Variants in MICAL3 observed in about 807,000 individuals in gnomAD.
The protein encoded by MICAL3 is [F-actin]-monooxygenase MICAL3.
A neutral mutation model predicts 207.4 loss-of-function variants in MICAL3; 62 were observed. The observed-to-expected ratio is 0.30, with a 90% CI of 0.24 to 0.37. The LOEUF is 0.37. MICAL3 is among the 10% of genes least tolerant of loss of function. The pLI, the probability that MICAL3 is intolerant of heterozygous loss-of-function variation, is 1.00. For missense variants in MICAL3, 2,368 were observed against 2,635.6 expected, an observed-to-expected ratio of 0.90 and a Z score of 2.22; for synonymous variants, 1,077 against 1,069.3, an observed-to-expected ratio of 1.01 and a Z score of -0.14.
chr22:17,886,148 C>G, intron 15 of MICAL3, 97 bp from the exon 16 acceptor site: 1 of 1,309,106 alleles, frequency 7.6e-7, no homozygotes, highest in Non-Finnish European at 1.1e-6. Flanking sequence ...GGCATGGGGG[C>G]TGGTGGACTG....
intron 24 of MICAL3, 60 bp from the exon 25 acceptor site, chr22:17,821,569 C>T (rs1921642364): frequency 2.9e-6 from 4 of 1,369,542 alleles, no homozygotes; most frequent in Non-Finnish European, 3.0e-6. Context: ...CAGGAAGGCA[C>T]CCCTATCAGC....
At chr22:17,998,565 T>TA (rs1294167000) in intron 1 of MICAL3, among the ~76,000 whole-genome samples, 92 of 146,258 alleles carry the variant, frequency 6.3e-4, no homozygotes, top group African/African-American at 2.4e-3. Context: ...TTATTATTAT[T>TA]TTTTTTTTGA....
At chr22:17,975,430 T>C (rs1935589644) in intron 1 of MICAL3, among the ~76,000 whole-genome samples, 2 of 152,152 alleles carry the variant, frequency 1.3e-5, no homozygotes, top group Admixed American at 1.3e-4. Flanking sequence ...CTTTCTGGTA[T>C]TTCTGAGAAC....
chr22:17,927,329 C>G (rs138439865), intron 1 of MICAL3, among the ~76,000 whole-genome samples: 112 of 152,282 alleles, frequency 7.4e-4, no homozygotes, highest in African/African-American at 2.6e-3. Flanking sequence ...TCCATTCACC[C>G]ATCAATGGAC....
chr22:17,977,463 C>T (rs903919282), intron 1 of MICAL3, among the ~76,000 whole-genome samples: 13 of 151,748 alleles, frequency 8.6e-5, no homozygotes, highest in Admixed American at 3.3e-4. Context: ...TGCTCAACAT[C>T]GGCAACCATT....
intron 19 of MICAL3, chr22:17,861,363 T>A (rs1450018102): frequency 4.1e-6 from 4 of 985,352 alleles, no homozygotes; most frequent in Non-Finnish European, 4.8e-6. Flanking sequence ...CTTCAGATCA[T>A]CTTTTCCATA....
chr22:17,817,059 G>C (rs1017839978), intron 26 of MICAL3, among the ~76,000 whole-genome samples: 41 of 152,286 alleles, frequency 2.7e-4, no homozygotes, highest in African/African-American at 9.1e-4. Context: ...GCCCCTCTGG[G>C]GTCGTCTGAC....
At chr22:17,941,145 C>A (rs1188631156) in intron 1 of MICAL3, among the ~76,000 whole-genome samples, 1 of 152,222 alleles carries the variant, frequency 6.6e-6, no homozygotes, top group African/African-American at 2.4e-5. Flanking sequence ...CCACCGTTCA[C>A]CTGCTCTCTT....
At chr22:17,866,506 C>T (rs1231588108) in intron 17 of MICAL3, among the ~76,000 whole-genome samples, 2 of 152,158 alleles carry the variant, frequency 1.3e-5, no homozygotes, top group Non-Finnish European at 2.9e-5. Flanking sequence ...TCTCTCACCC[C>T]CTCCCAGTCC....
chr22:17,974,609 A>T (rs1022569214), intron 1 of MICAL3, among the ~76,000 whole-genome samples: 2 of 152,046 alleles, frequency 1.3e-5, no homozygotes, highest in African/African-American at 4.8e-5. Flanking sequence ...CTGTAATTCC[A>T]GCTACTTGGG....
At chr22:17,954,034 G>A (rs936039735) in intron 1 of MICAL3, among the ~76,000 whole-genome samples, 1 of 151,350 alleles carries the variant, frequency 6.6e-6, no homozygotes, top group South Asian at 2.1e-4. Flanking sequence ...TGGGGAAGCA[G>A]TGTGACATTT....
chr22:18,006,358 G>A (rs1923386805), intron 1 of MICAL3: 1 of 152,228 alleles, frequency 6.6e-6, no homozygotes, highest in African/African-American at 2.4e-5. Flanking sequence ...CCCCCTAGTA[G>A]GAGAAGGAGC....
At position 17,810,768 on chromosome 22, in the gene MICAL3, G is replaced by A. The variant is rs201282802; in HGVS notation, c.5491C>T (p.Arg1831Cys). 43 of 1,613,838 alleles carry A rather than the reference G, an allele frequency of 2.7e-5. No individual in the cohort carries two copies. Among genetic ancestry groups the A allele is most frequent in the Admixed American group, 5.0e-5 (3 of 60,002 alleles). Residue 1831 changes from arginine (R) to cysteine (C), a missense_variant, in exon 28 of 32, where the codon CGT (arginine) becomes TGT (cysteine). This residue lies in a region of MICAL3 where 1,770 missense variants were observed against 1,863.2 expected (regional missense o/e 0.95). Transcript: ENST00000441493. Reference protein sequence around the residue: ...EEELNAKLTRRVQKAARRQAK... With the variant: ...EEELNAKLTRCVQKAARRQAK... ...TGTCTCCGAGCTGCCTTTTGCACAC[G>A]CCGGGTCAGCTTGGCATTCAGTTCC...
At position 17,817,654 on chromosome 22, in the gene MICAL3, G is replaced by C; in HGVS notation, c.5007C>G (p.Ser1669Arg). 6.2e-7 allele frequency: 1 copy of C among 1,612,240 alleles called. No individual in the cohort carries two copies. Among genetic ancestry groups the C allele is most frequent in the South Asian group, 1.1e-5 (1 of 91,070 alleles). The change falls in exon 26 of 32, where the codon AGC becomes AGG. Residue 1669 changes from serine to arginine, a missense_variant. Ser to Arg is a moderately radical substitution (Grantham distance 110, BLOSUM62 -1). Around this residue, in one of 4 missense-constraint regions of MICAL3, gnomAD observed 1,770 missense variants for 1,863.2 expected, o/e 0.95. Transcript: ENST00000441493. Reference sequence around the variant, plus strand: ...CCGACGGCGGGGAGAGGACCTCCTCGCTGGTGGCTTCATGCTTCAGGGTGG... The same window carrying C: ...CCGACGGCGGGGAGAGGACCTCCTCCCTGGTGGCTTCATGCTTCAGGGTGG... ...EEPTLKHEAT[S>R]EEVLSPPSDS...
intron 19 of MICAL3, chr22:17,862,243 C>T (rs2146131826): frequency 4.1e-6 from 4 of 985,426 alleles, no homozygotes; most frequent in African/African-American, 1.7e-5. Flanking sequence ...CCTGAAACAC[C>T]TGAGCTTTCC....
chr22:17,797,588 G>A (rs960916346), intron 29 of MICAL3, among the ~76,000 whole-genome samples: 2 of 152,130 alleles, frequency 1.3e-5, no homozygotes, highest in Admixed American at 6.5e-5. Flanking sequence ...TCTGTGTGGC[G>A]GTGGGTGCTG....
chr22:17,932,792 GA>G (rs1183163597), intron 1 of MICAL3, among the ~76,000 whole-genome samples: 1 of 151,324 alleles, frequency 6.6e-6, no homozygotes, highest in African/African-American at 2.4e-5. Flanking sequence ...CAAGCAAATG[GA>G]AAACAAAAAA....
intron 19 of MICAL3, chr22:17,864,577 C>T: frequency 6.8e-7 from 1 of 1,470,058 alleles, no homozygotes; most frequent in South Asian, 1.4e-5. Flanking sequence ...AGGACCTGGG[C>T]CGCCCTCAGG....
At chr22:17,953,930 CAAAAAAAAAAAAAAAAAA>C (rs59740388) in intron 1 of MICAL3, among the ~76,000 whole-genome samples, 36 of 86,522 alleles carry the variant, frequency 4.2e-4, no homozygotes, top group Middle Eastern at 5.7e-3. Context: ...GACTCCATCT[CAAAAAAAAAAAAAAAAAA>C]AAAAAAAAAA....
Sources: gnomAD v4.1 joint callset for allele counts (sites outside exome capture counted in the v4.1 genomes callset) on GRCh38, gnomAD v4.1.1 for gene constraint, gnomAD v4.1.1 regional missense constraint, MANE v1.5 for transcripts, NCBI Gene and HGNC (gene_info 2026-07-23, HGNC 2026-07-21) for gene names.